Variants in EIF3L observed in about 807,000 individuals in gnomAD.
The protein encoded by EIF3L is eIEF associated protein HSPC021.
EIF3L carries 32 observed loss-of-function variants against 74.6 expected under a neutral mutation model. The observed-to-expected ratio is 0.43, with a 90% CI of 0.32 to 0.58. The LOEUF is 0.58. Among genes scored for constraint, EIF3L ranks in the 20% least tolerant of loss-of-function variants. The probability of loss-of-function intolerance (pLI) is 0.06; values close to 1 mark genes in which losing one functional copy is unlikely to be tolerated. For synonymous variants in EIF3L, 256 were observed against 254.4 expected, an observed-to-expected ratio of 1.01 and a Z score of -0.06; for missense variants, 474 against 707.8, an observed-to-expected ratio of 0.67 and a Z score of 3.75.
Position 37,851,508 on chromosome 22 carries a change from A to G in EIF3L, c.293+18A>G. ...GAGAACAGGTATGGGCTACTGGCTG[A>G]AAGGGCCTCTTTCTGGGTGGGACTG... On this transcript the variant is annotated intron_variant, in intron 3 of 12. Coordinates refer to ENST00000652021, the MANE Select transcript of EIF3L (RefSeq NM_016091.4). 1 of 1,554,674 alleles carries G rather than the reference A, an allele frequency of 6.4e-7. No individual in the cohort carries two copies. The highest frequency in any genetic ancestry group is 1.7e-5 in the Admixed American group (1 of 57,288).
At chr22:37,886,288 G>A (rs1927317929) in intron 11 of EIF3L, 1 of 151,872 alleles carries the variant, frequency 6.6e-6, no homozygotes, top group South Asian at 2.1e-4. Flanking sequence ...TATAAACTAG[G>A]CCGGGCACAT....
At chr22:37,861,673 G>C (rs1316551822) in intron 5 of EIF3L, among the ~76,000 whole-genome samples, 1 of 150,072 alleles carries the variant, frequency 6.7e-6, no homozygotes, top group Non-Finnish European at 1.5e-5. Context: ...ACCAGAGCGA[G>C]ACTCCGTCTC....
chr22:37,875,336 C>G (rs1926688523), intron 9 of EIF3L, among the ~76,000 whole-genome samples: 1 of 151,636 alleles, frequency 6.6e-6, no homozygotes, highest in African/African-American at 2.4e-5. Flanking sequence ...CGAGATCACA[C>G]CATTGCACTC....
rs9466 is a variant in EIF3L at position 37,877,742 on chromosome 22, T to C, written c.1146T>C (p.Ile382=). 678,612 of 1,613,240 alleles carry C rather than the reference T, an allele frequency of 0.42. 145,491 individuals carry two copies. Among genetic ancestry groups the C allele is most frequent in the African/African-American group, 0.53 (39,458 of 74,812 alleles). ...AIALTMYPMR[I]DESIHLQLRE... The stretch of plus-strand genomic sequence containing the variant: ...CCCTCACGATGTACCCCATGCGTAT[T>C]GATGAGAGCATTCACCTCCAGCTGC... Residue 382 remains isoleucine (I), a synonymous_variant, in exon 11 of 13, where the codon ATT becomes ATC. Coordinates refer to ENST00000652021, the MANE Select transcript of EIF3L (RefSeq NM_016091.4).
intron 8 of EIF3L, among the ~76,000 whole-genome samples, chr22:37,873,231 C>T (rs141712154): frequency 7.9e-5 from 12 of 151,908 alleles, no homozygotes; most frequent in East Asian, 7.8e-4. Flanking sequence ...TCAAGTGATA[C>T]GTCCGCCTCG....
intron 7 of EIF3L, among the ~76,000 whole-genome samples, chr22:37,867,295 T>C (rs1420120482): frequency 2.0e-5 from 3 of 152,126 alleles, no homozygotes; most frequent in African/African-American, 7.2e-5. Context: ...TGAGCCACCA[T>C]GCCTAGCCAA....
At chr22:37,852,291 T>C (rs996074130) in intron 3 of EIF3L, among the ~76,000 whole-genome samples, 17 of 152,244 alleles carry the variant, frequency 1.1e-4, no homozygotes, top group African/African-American at 4.1e-4. Context: ...TTTCTCATTT[T>C]ACAGATGAGG....
chr22:37,884,928 T>C (rs1462830403), intron 11 of EIF3L: 1 of 107,302 alleles, frequency 9.3e-6, no homozygotes, highest in Non-Finnish European at 2.0e-5. Flanking sequence ...TTTTTTTTTT[T>C]TTTAAGATAG....
At chr22:37,849,547 G>A in intron 1 of EIF3L, 65 bp downstream of exon 1, 1 of 1,511,952 alleles carries the variant, frequency 6.6e-7, no homozygotes, top group Non-Finnish European at 8.9e-7. Context: ...ACTGGATGTG[G>A]GTCCCGGCGC....
intron 3 of EIF3L, 162 bp downstream of exon 3, chr22:37,851,652 C>T (rs1325712871): frequency 1.7e-6 from 1 of 599,156 alleles, no homozygotes; most frequent in African/African-American, 1.9e-5. Context: ...TTTTGTTAGA[C>T]TTTATTTTAT....
rs200575196 is a variant in EIF3L, at chr22:37,856,183, TCTC to T, written c.373+542_373+544del. ...AGCGATTCTCCTAGGTTCAAGCAAT[TCTC>T]CTACCTCAGCCTCCCGCGTAGCTGG... On this transcript the variant is annotated intron_variant, in intron 4 of 12. Coordinates refer to ENST00000652021, the MANE Select transcript of EIF3L (RefSeq NM_016091.4). Among the ~76,000 whole-genome samples, 901 of 152,008 alleles carry T rather than the reference TCTC, an allele frequency of 5.9e-3. 6 individuals are homozygous for T. The highest frequency in any genetic ancestry group is 0.021 in the African/African-American group (869 of 41,448).
At chr22:37,868,746 G>T (rs981436355) in intron 7 of EIF3L, among the ~76,000 whole-genome samples, 21 of 144,630 alleles carry the variant, frequency 1.5e-4, no homozygotes, top group African/African-American at 5.4e-4. Context: ...AGGTTCAAGC[G>T]ATTCACCTGC....
chr22:37,863,068 G>A, intron 6 of EIF3L, 30 bp downstream of exon 6: 2 of 1,569,452 alleles, frequency 1.3e-6, no homozygotes, highest in Non-Finnish European at 8.7e-7. Flanking sequence ...AAGAGGGTGT[G>A]TGTGGTTATG....
intron 10 of EIF3L, 26 bp from the exon 11 acceptor site, chr22:37,877,648 A>C: frequency 6.4e-7 from 1 of 1,571,632 alleles, no homozygotes; most frequent in South Asian, 1.2e-5. Context: ...CATTTGACCC[A>C]GTACCACTCT....
At chr22:37,851,671 T>G in intron 3 of EIF3L, 181 bp downstream of exon 3, 19 of 518,696 alleles carry the variant, frequency 3.7e-5, no homozygotes, top group East Asian at 1.1e-4. Context: ...ATTTATGCAT[T>G]TGTTTATTTT....
At chr22:37,866,014 T>C (rs1926129234) in intron 7 of EIF3L, among the ~76,000 whole-genome samples, 1 of 152,186 alleles carries the variant, frequency 6.6e-6, no homozygotes, top group Non-Finnish European at 1.5e-5. Flanking sequence ...GGTAGGTGGC[T>C]CTTCCTCGCC....
At chr22:37,854,667 G>A (rs1384173149) in intron 3 of EIF3L, among the ~76,000 whole-genome samples, 4 of 152,042 alleles carry the variant, frequency 2.6e-5, no homozygotes. Context: ...GGGTTTCACC[G>A]TGTTGGTCAG....
At chr22:37,876,913 T>G (rs1404915787) in intron 10 of EIF3L, 4 of 152,158 alleles carry the variant, frequency 2.6e-5, no homozygotes, top group African/African-American at 4.8e-5. Context: ...AGCCGCACAA[T>G]AAACTGTTCT....
chr22:37,877,513 T>C lies in EIF3L; in HGVS notation c.1078-161T>C, dbSNP rs2145835168. ...AGCTAGGATGGAAGTTAGGTAGATC[T>C]AGAGGGAGGATTGGAAGAGATGTTG... On this transcript the variant is annotated intron_variant, in intron 10 of 12. Coordinates refer to ENST00000652021, the MANE Select transcript of EIF3L (RefSeq NM_016091.4). 3 of 826,620 alleles carry C rather than the reference T, an allele frequency of 3.6e-6. No individual in the cohort carries two copies. In the East Asian group the frequency reaches 7.8e-5, roughly 22 times the overall value. The allele number at this position is 826,620 out of a possible 1,614,324, so 51.2% of individuals were successfully genotyped here.
Sources: gnomAD v4.1 joint callset for allele counts (sites outside exome capture counted in the v4.1 genomes callset) on GRCh38, gnomAD v4.1.1 for gene constraint, MANE v1.5 for transcripts, NCBI Gene and HGNC (gene_info 2026-07-23, HGNC 2026-07-21) for gene names.